Variants in FSIP2 observed in about 807,000 individuals in gnomAD.
The protein encoded by FSIP2 is fibrous sheath-interacting protein 2.
A neutral mutation model predicts 510.5 loss-of-function variants in FSIP2; 367 were observed. That is an observed-to-expected ratio of 0.72 (90% CI 0.66 to 0.78). The LOEUF (loss-of-function observed/expected upper bound fraction) is 0.78. Among genes scored for constraint, FSIP2 ranks in the 30% least tolerant of loss-of-function variants. The pLI is 0.00. For missense variants in FSIP2, 7,594 were observed against 7,901.7 expected, an observed-to-expected ratio of 0.96 and a Z score of 1.48; for synonymous variants, 2,601 against 2,732.2, an observed-to-expected ratio of 0.95 and a Z score of 1.50.
chr2:185,807,142 G>C lies in FSIP2; in HGVS notation c.17836G>C (p.Ala5946Pro). Residue 5946 changes from alanine to proline, a missense_variant, in exon 17 of 23, where the codon GCA (alanine) becomes CCA (proline). Coordinates refer to ENST00000424728, the MANE Select transcript of FSIP2 (RefSeq NM_173651.4). ...TATAAACAGTAATGGAGAAAATTTA[G>C]CAAGAAGACTAACTAGTGCAGTGAT... ...KNINSNGENLARRLTSAVINE... is the reference protein window; with the variant it reads ...KNINSNGENLPRRLTSAVINE... The C allele has an allele frequency of 6.2e-7, 1 of 1,601,432 alleles. No individual in the cohort carries two copies. Among genetic ancestry groups the C allele is most frequent in the Non-Finnish European group, 8.5e-7 (1 of 1,175,800 alleles).
Position 185,802,122 on chromosome 2 carries a change from G to A in FSIP2, c.12816G>A (p.Arg4272=). 1 of 1,533,306 alleles carries A rather than the reference G, an allele frequency of 6.5e-7. No homozygotes were observed. Among genetic ancestry groups the A allele is most frequent in the Admixed American group, 2.0e-5 (1 of 50,804 alleles). 95.0% of individuals were successfully genotyped at this position (1,533,306 alleles called of 1,614,324 possible). The change falls in exon 17 of 23, where the codon AGG becomes AGA. Residue 4272 remains arginine (R), a synonymous_variant. Coordinates refer to ENST00000424728, the MANE Select transcript of FSIP2 (RefSeq NM_173651.4). ...FLSGEVLCHP[R]TPLDPVSTIV... The stretch of plus-strand genomic sequence containing the variant: ...GTGGAGAGGTTTTATGTCATCCAAG[G>A]ACTCCACTGGATCCAGTGTCTACTA...
Position 185,793,042 on chromosome 2 carries a change from A to G in FSIP2, c.5906A>G (p.Asp1969Gly). The change falls in exon 16 of 23, where the codon GAT becomes GGT. Residue 1969 changes from aspartate (D) to glycine (G), a missense_variant. Asp to Gly is a moderately conservative substitution (Grantham distance 94). Coordinates refer to ENST00000424728, the MANE Select transcript of FSIP2 (RefSeq NM_173651.4). ...STLSKALSAK[D>G]SYSDEQFSCC... Reference sequence around the variant, plus strand: ...TTGAGCAAAGCATTATCAGCCAAAGATTCATATTCTGATGAGCAATTTTCC... The same window carrying G: ...TTGAGCAAAGCATTATCAGCCAAAGGTTCATATTCTGATGAGCAATTTTCC... 2 of 1,534,342 alleles carry G rather than the reference A, an allele frequency of 1.3e-6. No individual in the cohort carries two copies. The highest frequency in any genetic ancestry group is 1.7e-6 in the Non-Finnish European group (2 of 1,145,638).
intron 5 of FSIP2, among the ~76,000 whole-genome samples, chr2:185,745,843 C>A (rs542487862): frequency 6.6e-6 from 1 of 152,058 alleles, no homozygotes; most frequent in African/African-American, 2.4e-5. Flanking sequence ...TATATTCAAA[C>A]AATATATTCA....
In FSIP2 at chr2:185,806,567, AAG is replaced by A. The variant is rs900337666; in HGVS notation, c.17265_17266del (p.Lys5756SerfsTer6). On this transcript the variant is annotated frameshift_variant, in exon 17 of 23. Coordinates refer to ENST00000424728, the MANE Select transcript of FSIP2 (RefSeq NM_173651.4). LOFTEE classifies it high-confidence loss of function. ...GAAAAAGAAGAGGAAGAGAGAGAAA[AAG>A]AGAAAGTAAGAGAGGAGATTAAAAG... 3.1e-6 allele frequency: 5 copies of A among 1,604,328 alleles called. No homozygotes were observed. The African/African-American group carries it at 6.8e-5, about 22-fold the overall frequency.
chr2:185,743,363 T>C, intron 3 of FSIP2, 69 bp downstream of exon 3: 2 of 1,042,978 alleles, frequency 1.9e-6, no homozygotes, highest in African/African-American at 1.7e-5. Context: ...CTTGTTTCTG[T>C]ACCTCACTCG....
At position 185,791,968 on chromosome 2, in the gene FSIP2, A is replaced by C; in HGVS notation, c.4832A>C (p.Asn1611Thr). 6.5e-7 allele frequency: 1 copy of C among 1,533,932 alleles called. No homozygotes were observed. The highest frequency in any genetic ancestry group is 2.0e-5 in the Admixed American group (1 of 50,840). Residue 1611 changes from asparagine to threonine, a missense_variant, in exon 16 of 23, where the codon AAT becomes ACT. By Grantham distance (65) the Asn-to-Thr change is moderately conservative. Coordinates refer to ENST00000424728, the MANE Select transcript of FSIP2 (RefSeq NM_173651.4). ...LEILGAINDG[N>T]KKSNKIGWEY... ...ATTTTGGGTGCTATTAATGATGGAA[A>C]TAAGAAAAGCAATAAGATAGGCTGG...
Position 185,746,671 on chromosome 2 carries a change from AT to A in FSIP2, c.623del (p.Leu208TrpfsTer3), listed in dbSNP as rs1186123698. 3.3e-6 allele frequency: 5 copies of A among 1,510,018 alleles called. No individual in the cohort carries two copies. Among genetic ancestry groups the A allele is most frequent in the Non-Finnish European group, 3.5e-6 (4 of 1,136,666 alleles). 93.5% of individuals were successfully genotyped at this position (1,510,018 alleles called of 1,614,324 possible). ...KDQERLMRHRYLDMISRKLEQ... is the reference protein window; with the variant it reads ...KDQERLMRHRXLDMISRKLEQ... Reference sequence around the variant, plus strand: ...GCAATATTTGCACTCTTACTCAGATATTTGGATATGATAAGTAGAAAACTAG... The same window carrying A: ...GCAATATTTGCACTCTTACTCAGATATTGGATATGATAAGTAGAAAACTAG... On this transcript the variant is annotated frameshift_variant, in exon 6 of 23. Coordinates refer to ENST00000424728, the MANE Select transcript of FSIP2 (RefSeq NM_173651.4). LOFTEE classifies it high-confidence loss of function.
At position 185,796,007 on chromosome 2, in the gene FSIP2, A is replaced by C; in HGVS notation, c.8871A>C (p.Lys2957Asn). ...AAGAACACATTACTGCTAAAAGTAAATATGGTTTTCCAAACAAGCATAGCC... is the reference window on the plus strand; with the variant it reads ...AAGAACACATTACTGCTAAAAGTAACTATGGTTTTCCAAACAAGCATAGCC... ...NSKEHITAKS[K>N]YGFPNKHSLS... is the part of the protein sequence containing the mutation. The change falls in exon 16 of 23, where the codon AAA becomes AAC. Residue 2957 changes from lysine to asparagine, a missense_variant. Lys to Asn is a moderately conservative substitution (Grantham distance 94, BLOSUM62 0). Coordinates refer to ENST00000424728, the MANE Select transcript of FSIP2 (RefSeq NM_173651.4). 6.5e-7 allele frequency: 1 copy of C among 1,534,082 alleles called. No homozygotes were observed. Among genetic ancestry groups the C allele is most frequent in the South Asian group, 1.2e-5 (1 of 83,710 alleles).
rs1213129308 is a variant in FSIP2, at chr2:185,790,562, A to G, written c.3426A>G (p.Ser1142=). ...KTGSEASVLV[S]EKPQGLSHQE... is the part of the protein sequence containing the mutation. ...GCAGTGAAGCTTCAGTTCTTGTTTC[A>G]GAAAAGCCTCAAGGACTGTCACATC... Residue 1142 remains serine, a synonymous_variant, in exon 16 of 23, where the codon TCA becomes TCG. Coordinates refer to ENST00000424728, the MANE Select transcript of FSIP2 (RefSeq NM_173651.4). 7 of 1,533,840 alleles carry G rather than the reference A, an allele frequency of 4.6e-6. No individual in the cohort carries two copies. The highest frequency in any genetic ancestry group is 5.2e-6 in the Non-Finnish European group (6 of 1,145,518).
chr2:185,811,779 T>C (rs1257754928), intron 17 of FSIP2, among the ~76,000 whole-genome samples: 2 of 152,084 alleles, frequency 1.3e-5, no homozygotes, highest in Non-Finnish European at 2.9e-5. Context: ...GCAACTTTTC[T>C]AGCTGTGGCT....
At chr2:185,777,134 C>T (rs1049250052) in intron 13 of FSIP2, among the ~76,000 whole-genome samples, 2 of 152,150 alleles carry the variant, frequency 1.3e-5, no homozygotes, top group Non-Finnish European at 2.9e-5. Flanking sequence ...ATAGGCATGG[C>T]TATACATTTT....
intron 17 of FSIP2, among the ~76,000 whole-genome samples, chr2:185,811,942 A>G (rs1693740275): frequency 6.6e-6 from 1 of 152,128 alleles, no homozygotes; most frequent in Non-Finnish European, 1.5e-5. Context: ...CTGCATGCCC[A>G]GGCAGAAGCC....
upstream of FSIP2, chr2:185,738,560 A>G: frequency 6.6e-7 from 1 of 1,507,420 alleles, no homozygotes; most frequent in Non-Finnish European, 8.9e-7. Context: ...GAAATTAACC[A>G]GTTACCCACC....
In FSIP2 at chr2:185,791,370, C is replaced by A. The variant is rs759184688; in HGVS notation, c.4234C>A (p.Pro1412Thr). 4 of 1,533,982 alleles carry A rather than the reference C, an allele frequency of 2.6e-6. No homozygotes were observed. In the East Asian group the frequency reaches 7.3e-5, roughly 28 times the overall value. Residue 1412 changes from proline (P) to threonine (T), a missense_variant, in exon 16 of 23, where the codon CCT becomes ACT. Coordinates refer to ENST00000424728, the MANE Select transcript of FSIP2 (RefSeq NM_173651.4). ...ATCTTTTCACAAATATTTGGCTACT[C>A]CTTGTACTCACCACAGTGTCAATGG... ...KKSFHKYLATPCTHHSVNGGN... is the reference protein window; with the variant it reads ...KKSFHKYLATTCTHHSVNGGN...
Position 185,803,916 on chromosome 2 carries a change from T to G in FSIP2, c.14610T>G (p.Asp4870Glu), listed in dbSNP as rs1440555492. 7 of 1,524,676 alleles carry G rather than the reference T, an allele frequency of 4.6e-6. No homozygotes were observed. The African/African-American group carries it at 8.3e-5, about 18-fold the overall frequency. 94.4% of individuals were successfully genotyped at this position (1,524,676 alleles called of 1,614,324 possible). A position where few individuals can be genotyped will look rare whatever the true frequency, so the allele number is the denominator to read the frequency against. The change falls in exon 17 of 23, where the codon GAT becomes GAG. Residue 4870 changes from aspartate to glutamate, a missense_variant. Coordinates refer to ENST00000424728, the MANE Select transcript of FSIP2 (RefSeq NM_173651.4). The stretch of plus-strand genomic sequence containing the variant: ...CTATGGTTGATTCCATTTATGCTGA[T>G]CTTTCTCATTCAAATATATACCAGT... Reference protein sequence around the residue: ...IQSMVDSIYADLSHSNIYQSI... With the variant: ...IQSMVDSIYAELSHSNIYQSI...
intron 20 of FSIP2, among the ~76,000 whole-genome samples, chr2:185,826,168 A>T (rs1249429221): frequency 1.3e-5 from 2 of 151,812 alleles, no homozygotes; most frequent in African/African-American, 4.8e-5. Context: ...ATGTTCACAC[A>T]ATGATGGAAT....
At chr2:185,815,853 A>G (rs1693815637) in intron 19 of FSIP2, among the ~76,000 whole-genome samples, 2 of 152,054 alleles carry the variant, frequency 1.3e-5, no homozygotes, top group Admixed American at 6.6e-5. Flanking sequence ...GTCATTGCCT[A>G]TAAGAAGAAT....
In FSIP2 at chr2:185,813,596, G is replaced by A. The variant is rs1559038157; in HGVS notation, c.19879G>A (p.Val6627Met). 1.9e-6 allele frequency: 3 copies of A among 1,572,620 alleles called. No homozygotes were observed. Among genetic ancestry groups the A allele is most frequent in the Non-Finnish European group, 2.6e-6 (3 of 1,161,000 alleles). ...TATAAGAAAGCCTGATATTACAAAG[G>A]TGGAGCTCTTAAAAGATGTTCAAAG... ...QNIRKPDITK[V>M]ELLKDVQSKN... Residue 6627 changes from valine to methionine, a missense_variant, in exon 18 of 23, where the codon GTG (valine) becomes ATG (methionine). Coordinates refer to ENST00000424728, the MANE Select transcript of FSIP2 (RefSeq NM_173651.4).
chr2:185,738,730 A>G (rs1449936699), upstream of FSIP2: 1 of 1,535,940 alleles, frequency 6.5e-7, no homozygotes, highest in Admixed American at 2.0e-5. Flanking sequence ...TCAGGAGGCC[A>G]CCGCCCTTCT....
Sources: allele counts gnomAD v4.1 joint callset (sites outside exome capture counted in the v4.1 genomes callset), GRCh38; gene constraint gnomAD v4.1.1; transcripts MANE v1.5; gene names NCBI Gene and HGNC (gene_info 2026-07-23, HGNC 2026-07-21).